MYH11: variants seen among roughly 807,000 people sequenced by gnomAD.
MYH11 encodes the protein myosin-11.
MYH11 carries 80 observed loss-of-function variants against 246.6 expected under a neutral mutation model. That is an observed-to-expected ratio of 0.32 (90% confidence interval 0.27 to 0.39). The LOEUF is 0.39. MYH11 is among the 10% of genes least tolerant of loss of function. The probability of loss-of-function intolerance (pLI) is 1.00; values close to 1 mark genes in which losing one functional copy is unlikely to be tolerated. For synonymous variants in MYH11, 1,071 were observed against 1,015.5 expected, an observed-to-expected ratio of 1.05 and a Z score of -1.04; for missense variants, 2,158 against 2,546.8, an observed-to-expected ratio of 0.85 and a Z score of 3.29.
chr16:15,732,241 G>T (rs1348782066), intron 27 of MYH11, among the ~76,000 whole-genome samples: 1 of 152,132 alleles, frequency 6.6e-6, no homozygotes, highest in Non-Finnish European at 1.5e-5. Context: ...GGGATTACAG[G>T]CTTGAGCCAC....
intron 4 of MYH11, among the ~76,000 whole-genome samples, 161 bp downstream of exon 4, chr16:15,798,499 G>A (rs1444286337): frequency 6.6e-6 from 1 of 151,192 alleles, no homozygotes; most frequent in Non-Finnish European, 1.5e-5. Context: ...TGTTTAGTGA[G>A]CATCTACATG....
In MYH11 at chr16:15,712,882, G is replaced by GT. The variant is rs59799809; in HGVS notation, c.5786+2026dup. 9.0e-3 allele frequency: 818 copies of GT among 90,470 alleles called. 81 individuals are homozygous for GT. Among genetic ancestry groups the GT allele is most frequent in the Middle Eastern group, 0.018 (4 of 224 alleles). The allele number at this position is 90,470 out of a possible 1,614,324, so 5.6% of individuals were successfully genotyped here. A position where few individuals can be genotyped will look rare whatever the true frequency, so the allele number is the denominator to read the frequency against. On this transcript the variant is annotated intron_variant, in intron 40 of 40. Transcript: ENST00000300036. ...GGGAACCAGCAACTCTTCACATACA[G>GT]TTTTTTTTTTTTTGAGACCGAGTCT... is the stretch of plus-strand genomic sequence containing the variant.
At chr16:15,787,507 G>A (rs2042499790) in intron 4 of MYH11, among the ~76,000 whole-genome samples, 1 of 119,960 alleles carries the variant, frequency 8.3e-6, no homozygotes, top group South Asian at 2.8e-4. Context: ...TTTTTGAGAT[G>A]GAGTCTCACT....
intron 2 of MYH11, among the ~76,000 whole-genome samples, chr16:15,829,774 G>A (rs558187828): frequency 2.6e-5 from 4 of 152,252 alleles, no homozygotes; most frequent in African/African-American, 7.2e-5. Context: ...GGGTGCTCCC[G>A]GGGCCTGCAG....
intron 7 of MYH11, among the ~76,000 whole-genome samples, 193 bp from the exon 8 acceptor site, chr16:15,776,369 A>G (rs1444918090): frequency 6.6e-6 from 1 of 151,934 alleles, no homozygotes; most frequent in Non-Finnish European, 1.5e-5. Flanking sequence ...CTTCAGATGC[A>G]AAAAAAAGGG....
intron 1 of MYH11, among the ~76,000 whole-genome samples, chr16:15,846,978 T>A (rs928659834): frequency 3.3e-5 from 5 of 151,988 alleles, no homozygotes. Flanking sequence ...CTCTTGAAAA[T>A]TCATCAAGCT....
At chr16:15,837,241 C>G (rs2043921088) in intron 2 of MYH11, among the ~76,000 whole-genome samples, 2 of 152,120 alleles carry the variant, frequency 1.3e-5, no homozygotes, top group African/African-American at 4.8e-5. Flanking sequence ...GACAAACCAG[C>G]CTTTCCAAAG....
chr16:15,787,826 C>T (rs560104610), intron 4 of MYH11, among the ~76,000 whole-genome samples: 1 of 152,068 alleles, frequency 6.6e-6, no homozygotes, highest in Non-Finnish European at 1.5e-5. Flanking sequence ...TTAAGAAGCT[C>T]CCTTATGGAA....
chr16:15,710,614 C>G (rs183835789), intron 40 of MYH11, among the ~76,000 whole-genome samples: 3 of 151,968 alleles, frequency 2.0e-5, no homozygotes, highest in Admixed American at 6.5e-5. Flanking sequence ...GTATCCCCAT[C>G]GCTCAGCCCA....
chr16:15,823,487 CATGTTAGAG>C (rs1247472624), intron 2 of MYH11, 76 bp from the exon 3 acceptor site: 3 of 1,574,236 alleles, frequency 1.9e-6, no homozygotes, highest in African/African-American at 1.4e-5. Flanking sequence ...TCAATATTCT[CATGTTAGAG>C]ATGGGGAAAC....
At chr16:15,788,603 T>TG (rs2042534253) in intron 4 of MYH11, among the ~76,000 whole-genome samples, 1 of 152,166 alleles carries the variant, frequency 6.6e-6, no homozygotes, top group Non-Finnish European at 1.5e-5. Context: ...CAGGTCCCAC[T>TG]GTCCAGAAAT....
In MYH11 at chr16:15,750,809, C is replaced by T. The variant is rs1434507701; in HGVS notation, c.1865-478G>A. 2.0e-5 allele frequency among the ~76,000 whole-genome samples: 3 copies of T among 152,066 alleles called. No homozygotes were observed. The highest frequency in any genetic ancestry group is 2.1e-4 in the South Asian group (1 of 4,822). On this transcript the variant is annotated intron_variant, in intron 15 of 40. Coordinates refer to ENST00000300036, the MANE Select transcript of MYH11 (RefSeq NM_002474.3). The surrounding 1 kb of genome is among the most constrained non-coding windows in gnomAD (Gnocchi z 4.3). ...ACACTGCTGTGAACAAAAAAAGACC[C>T]GGCCCCCTCACCCCGCTTATATCAC...
intron 22 of MYH11, among the ~76,000 whole-genome samples, chr16:15,740,793 C>A (rs1389224162): frequency 6.6e-6 from 1 of 152,100 alleles, no homozygotes; most frequent in Non-Finnish European, 1.5e-5. Flanking sequence ...AGATTTGCTT[C>A]TAACAACAAC....
intron 4 of MYH11, 21 bp downstream of exon 4, chr16:15,798,639 A>G: frequency 6.4e-7 from 1 of 1,574,538 alleles, no homozygotes; most frequent in East Asian, 2.2e-5. Flanking sequence ...AAAAAACAGA[A>G]GAAAAAGCAG....
chr16:15,704,171 T>A lies in MYH11; in HGVS notation c.5787-48A>T. Reference sequence around the variant, plus strand: ...TTATTTAGCAAAGAAATCTTCATGGTTGGGATAGATTTTTTATAAATCTAT... The same window carrying A: ...TTATTTAGCAAAGAAATCTTCATGGATGGGATAGATTTTTTATAAATCTAT... On this transcript the variant is annotated intron_variant, in intron 40 of 40. Coordinates refer to ENST00000300036, the MANE Select transcript of MYH11 (RefSeq NM_002474.3). The A allele has an allele frequency of 1.9e-6, 3 of 1,608,682 alleles. No homozygotes were observed. In the South Asian group the frequency reaches 3.3e-5, roughly 18 times the overall value.
intron 39 of MYH11, 23 bp downstream of exon 39, chr16:15,715,141 G>C: frequency 6.2e-7 from 1 of 1,612,996 alleles, no homozygotes; most frequent in Non-Finnish European, 8.5e-7. Context: ...GGGGCTCGAG[G>C]GAGGCTGGGT....
At chr16:15,740,326 G>A in intron 22 of MYH11, 138 bp from the exon 23 acceptor site, 1 of 1,363,886 alleles carries the variant, frequency 7.3e-7, no homozygotes, top group South Asian at 1.2e-5. Flanking sequence ...AGAAATAAAG[G>A]CCTGAGCGTG....
chr16:15,817,248 T>A (rs1037911149), intron 3 of MYH11, among the ~76,000 whole-genome samples: 2 of 152,020 alleles, frequency 1.3e-5, no homozygotes, highest in Admixed American at 6.6e-5. Context: ...TCTCAGCACT[T>A]TGGGAGGTTG....
intron 40 of MYH11, among the ~76,000 whole-genome samples, chr16:15,710,434 T>A (rs2039714611): frequency 6.6e-6 from 1 of 152,040 alleles, no homozygotes; most frequent in Non-Finnish European, 1.5e-5. Flanking sequence ...GGCAGGAGAA[T>A]CGCTTGAACC....
Sources: gnomAD v4.1 joint callset for allele counts (sites outside exome capture counted in the v4.1 genomes callset) on GRCh38, gnomAD v4.1.1 for gene constraint, Gnocchi (gnomAD v3.1) non-coding constraint, MANE v1.5 for transcripts, NCBI Gene and HGNC (gene_info 2026-07-23, HGNC 2026-07-21) for gene names.